VPS53: variants seen among roughly 807,000 people sequenced by gnomAD.
The protein encoded by VPS53 is vacuolar protein sorting-associated protein 53 homolog.
Under a neutral mutation model 107.0 loss-of-function variants are expected in VPS53, and 70 were observed. The observed-to-expected ratio is 0.65, with a 90% CI of 0.54 to 0.80. The LOEUF is 0.80. Among genes scored for constraint, VPS53 ranks in the 30% least tolerant of loss-of-function variants. The pLI, the probability that VPS53 is intolerant of heterozygous loss-of-function variation, is 0.00. For missense variants in VPS53, 917 were observed against 1,049.4 expected (o/e 0.87, Z 1.74); for synonymous variants, 409 against 393.3 (o/e 1.04, Z -0.47).
intron 4 of VPS53, among the ~76,000 whole-genome samples, chr17:671,202 G>A (rs1456643564): frequency 1.3e-5 from 2 of 151,280 alleles, no homozygotes; most frequent in African/African-American, 4.9e-5. Flanking sequence ...CTGCACTCCA[G>A]CCTGGGCAAC....
At chr17:640,284 CA>C (rs1317610658) in intron 7 of VPS53, among the ~76,000 whole-genome samples, 1 of 152,114 alleles carries the variant, frequency 6.6e-6, no homozygotes, top group East Asian at 1.9e-4. Flanking sequence ...CCCAATTTTC[CA>C]GGTGCCGTCT....
At chr17:693,563 A>C (rs1419285435) in intron 4 of VPS53, among the ~76,000 whole-genome samples, 1 of 152,120 alleles carries the variant, frequency 6.6e-6, no homozygotes, top group Non-Finnish European at 1.5e-5. Flanking sequence ...CTCTACCAAA[A>C]ATAAAAAATT....
At chr17:572,464 GCC>G (rs1914250453) in intron 13 of VPS53, among the ~76,000 whole-genome samples, 3 of 148,382 alleles carry the variant, frequency 2.0e-5, no homozygotes, top group Admixed American at 6.7e-5. Flanking sequence ...GGTGAGGGGC[GCC>G]TCTGCCCGGC....
At chr17:560,371 C>A in intron 15 of VPS53, 55 bp downstream of exon 15, 1 of 1,567,576 alleles carries the variant, frequency 6.4e-7, no homozygotes, top group Non-Finnish European at 8.7e-7. Flanking sequence ...CCGAGCGACG[C>A]AGCCCAGAGG....
At chr17:623,732 A>G (rs1337770234) in intron 10 of VPS53, 58 bp from the exon 11 acceptor site, 2 of 1,535,670 alleles carry the variant, frequency 1.3e-6, no homozygotes, top group African/African-American at 1.4e-5. Context: ...TTCAGTAGAG[A>G]TAAGGTAAAT....
chr17:711,312 G>A (rs1266077823), intron 1 of VPS53, among the ~76,000 whole-genome samples: 1 of 152,112 alleles, frequency 6.6e-6, no homozygotes, highest in African/African-American at 2.4e-5. Context: ...CTGGACACTG[G>A]GTCTCACCCA....
At position 699,960 on chromosome 17, in the gene VPS53, A is replaced by C. The variant is rs532524215; in HGVS notation, c.169-580T>G. 1.1e-3 allele frequency among the ~76,000 whole-genome samples: 165 copies of C among 152,290 alleles called. 1 individual carries two copies. Among genetic ancestry groups the C allele is most frequent in the African/African-American group, 3.7e-3 (152 of 41,572 alleles). ...AGGTAGTGACAGTGAACAGGCAAGG[A>C]AAGGCCTTCTGAAGATTTTTTTAAA... is the stretch of plus-strand genomic sequence containing the variant. On this transcript the variant is annotated intron_variant, in intron 2 of 21. Transcript: ENST00000437048.
intron 10 of VPS53, among the ~76,000 whole-genome samples, chr17:624,928 C>G (rs1456178201): frequency 1.3e-5 from 2 of 150,854 alleles, no homozygotes; most frequent in East Asian, 3.9e-4. Flanking sequence ...TTTTTCCCTT[C>G]CACTCGCCCT....
chr17:548,725 C>T (rs1179937528), intron 17 of VPS53, among the ~76,000 whole-genome samples: 1 of 152,242 alleles, frequency 6.6e-6, no homozygotes, highest in African/African-American at 2.4e-5. Context: ...CCAATCTTAA[C>T]TCTGTCAGTC....
chr17:587,803 A>G (rs1967397628), intron 12 of VPS53, among the ~76,000 whole-genome samples: 1 of 152,200 alleles, frequency 6.6e-6, no homozygotes. Context: ...CACCCACAAC[A>G]TACTTGTTAA....
chr17:594,416 G>A (rs1216212880), intron 12 of VPS53, among the ~76,000 whole-genome samples: 1 of 152,274 alleles, frequency 6.6e-6, no homozygotes, highest in Non-Finnish European at 1.5e-5. Flanking sequence ...CAGCGAAATA[G>A]GGGTGTGGAT....
chr17:662,204 G>C (rs1597454746), intron 4 of VPS53, among the ~76,000 whole-genome samples: 1 of 152,264 alleles, frequency 6.6e-6, no homozygotes, highest in South Asian at 2.1e-4. Flanking sequence ...AGATCTCTGT[G>C]TGTGGGTGTA....
intron 2 of VPS53, among the ~76,000 whole-genome samples, chr17:704,728 T>C (rs1973336193): frequency 6.6e-6 from 1 of 152,180 alleles, no homozygotes; most frequent in African/African-American, 2.4e-5. Flanking sequence ...CAGAACTGAA[T>C]CTGTGGAACA....
intron 11 of VPS53, 104 bp from the exon 12 acceptor site, chr17:602,000 G>A (rs1227468739): frequency 6.2e-6 from 5 of 806,376 alleles, no homozygotes; most frequent in Admixed American, 3.3e-5. Flanking sequence ...AGTCATGCAC[G>A]CTATCTGATA....
intron 12 of VPS53, among the ~76,000 whole-genome samples, chr17:592,361 C>T (rs928980543): frequency 1.1e-4 from 17 of 152,108 alleles, no homozygotes; most frequent in Non-Finnish European, 4.4e-5. Flanking sequence ...CAGTCTGTGT[C>T]TTTTAATTGG....
At chr17:615,399 T>A (rs922733726) in intron 11 of VPS53, among the ~76,000 whole-genome samples, 1 of 152,002 alleles carries the variant, frequency 6.6e-6, no homozygotes, top group East Asian at 1.9e-4. Context: ...CTGTGGCAGG[T>A]CTTGTCTTCC....
At chr17:571,132 G>A (rs568938068) in intron 13 of VPS53, among the ~76,000 whole-genome samples, 1 of 151,564 alleles carries the variant, frequency 6.6e-6, no homozygotes, top group Non-Finnish European at 1.5e-5. Flanking sequence ...GAGCAACATG[G>A]TGAGACCCTG....
intron 10 of VPS53, among the ~76,000 whole-genome samples, chr17:624,401 A>C (rs546508340): frequency 1.5e-4 from 23 of 152,224 alleles, no homozygotes; most frequent in Non-Finnish European, 2.8e-4. Context: ...AAGCACGCTT[A>C]GCTGGTCCCT....
At chr17:610,618 C>T (rs1968817772) in intron 11 of VPS53, among the ~76,000 whole-genome samples, 1 of 151,872 alleles carries the variant, frequency 6.6e-6, no homozygotes, top group Admixed American at 6.6e-5. Flanking sequence ...GATAAAATAT[C>T]TAAAGAAGTT....
Sources: allele counts gnomAD v4.1 joint callset (sites outside exome capture counted in the v4.1 genomes callset), GRCh38; gene constraint gnomAD v4.1.1; transcripts MANE v1.5; gene names NCBI Gene and HGNC (gene_info 2026-07-23, HGNC 2026-07-21).